The following GOLM1 variants were observed in gnomAD, a reference collection of about 807,000 sequenced individuals.
GOLM1 encodes epididymis luminal protein 46.
In GOLM1, 31 loss-of-function variants were observed where a neutral mutation model predicts 50.5. That is an observed-to-expected ratio of 0.61 (90% CI 0.46 to 0.83). GOLM1 has a LOEUF of 0.83. Among genes scored for constraint, GOLM1 ranks in the 40% least tolerant of loss-of-function variants. The probability of loss-of-function intolerance (pLI) is 0.00; values close to 1 mark genes in which losing one functional copy is unlikely to be tolerated. For missense variants in GOLM1, 491 were observed against 501.3 expected (o/e 0.98, Z 0.20); for synonymous variants, 178 against 192.8 (o/e 0.92, Z 0.64).
chr9:86,075,495 T>A (rs1322549718), intron 3 of GOLM1, among the ~76,000 whole-genome samples: 1 of 152,162 alleles, frequency 6.6e-6, no homozygotes, highest in African/African-American at 2.4e-5. Context: ...CCCTGTGAGA[T>A]TCCTTTCTCA....
At chr9:86,033,937 T>A (rs1174515451) in intron 8 of GOLM1, among the ~76,000 whole-genome samples, 1 of 151,926 alleles carries the variant, frequency 6.6e-6, no homozygotes, top group African/African-American at 2.4e-5. Flanking sequence ...ACATATTTTA[T>A]ATGTGTATGC....
At chr9:86,036,788 T>C (rs1793087704) in intron 6 of GOLM1, 1 of 406,424 alleles carries the variant, frequency 2.5e-6, no homozygotes, top group East Asian at 4.8e-5. Flanking sequence ...ATAAAATACC[T>C]AGGCGGAAGA....
chr9:86,087,492 T>C (rs1835015903), intron 1 of GOLM1, among the ~76,000 whole-genome samples: 1 of 152,240 alleles, frequency 6.6e-6, no homozygotes, highest in Non-Finnish European at 1.5e-5. Flanking sequence ...ATAGGAGTGA[T>C]GAGAGAGGAC....
chr9:86,085,568 T>TTGC (rs1465770550), intron 1 of GOLM1, among the ~76,000 whole-genome samples: 1 of 151,918 alleles, frequency 6.6e-6, no homozygotes, highest in Non-Finnish European at 1.5e-5. Context: ...CCATGATGGT[T>TTGC]TGCTGCACCC....
At position 86,091,940 on chromosome 9, in the gene GOLM1, G is replaced by A. The variant is rs141666196; in HGVS notation, c.-22+7471C>T. ...TGCTGTATTCACATCAGGCAGCTCA[G>A]GGTGGTATTAAGAGCACAGACTGGA... On this transcript the variant is annotated intron_variant, in intron 1 of 9. Transcript: ENST00000388712. Among the ~76,000 whole-genome samples the A allele has an allele frequency of 4.8e-3, 731 of 152,310 alleles. 1 individual carries two copies. Among genetic ancestry groups the A allele is most frequent in the Non-Finnish European group, 6.5e-3 (445 of 68,028 alleles).
rs1056746919 is a variant in GOLM1, at chr9:86,026,582, C to G, written c.*1235G>C. ...AACGATCTCTGGGGCCTTAGCATCT[C>G]AAATCCTGTGGATCCTCCTACTTAC... is the stretch of plus-strand genomic sequence containing the variant. On this transcript the variant is annotated 3_prime_UTR_variant, in exon 10 of 10. Transcript: ENST00000388712. The G allele has an allele frequency of 1.0e-6, 1 of 962,030 alleles. No individual in the cohort carries two copies. Among genetic ancestry groups the G allele is most frequent in the Non-Finnish European group, 1.2e-6 (1 of 808,780 alleles). 59.6% of individuals were successfully genotyped at this position (962,030 alleles called of 1,614,324 possible).
At chr9:86,076,872 A>G (rs1378289133) in intron 3 of GOLM1, among the ~76,000 whole-genome samples, 1 of 151,822 alleles carries the variant, frequency 6.6e-6, no homozygotes, top group African/African-American at 2.4e-5. Flanking sequence ...AAAAAAAAAA[A>G]GACACATAAA....
At chr9:86,059,083 C>G (rs1183844979) in intron 3 of GOLM1, among the ~76,000 whole-genome samples, 1 of 152,046 alleles carries the variant, frequency 6.6e-6, no homozygotes, top group South Asian at 2.1e-4. Flanking sequence ...TAGAACCCCC[C>G]CCCAATACAC....
At chr9:86,075,330 G>A (rs766998550) in intron 3 of GOLM1, among the ~76,000 whole-genome samples, 7 of 152,246 alleles carry the variant, frequency 4.6e-5, no homozygotes, top group Admixed American at 6.5e-5. Context: ...GGTGGCTTAC[G>A]ACTGCGCCCA....
chr9:86,056,932 C>CT (rs1834011473), intron 3 of GOLM1, among the ~76,000 whole-genome samples: 1 of 152,176 alleles, frequency 6.6e-6, no homozygotes, highest in Non-Finnish European at 1.5e-5. Flanking sequence ...TCCTGCAGCA[C>CT]TGGGATTACA....
At chr9:86,035,079 C>T (rs867044077) in intron 8 of GOLM1, 20 of 985,142 alleles carry the variant, frequency 2.0e-5, no homozygotes, top group Middle Eastern at 5.2e-4. Context: ...CAGGAGGGGG[C>T]GTCCACTTGA....
intron 6 of GOLM1, among the ~76,000 whole-genome samples, chr9:86,040,111 A>G (rs891553833): frequency 2.6e-5 from 4 of 152,240 alleles, no homozygotes; most frequent in Non-Finnish European, 5.9e-5. Context: ...AGAGAGAACT[A>G]AGGGATACAC....
intron 1 of GOLM1, among the ~76,000 whole-genome samples, 153 bp from the exon 2 acceptor site, chr9:86,079,494 A>C (rs1452058644): frequency 6.6e-6 from 1 of 152,208 alleles, no homozygotes; most frequent in Non-Finnish European, 1.5e-5. Context: ...AAGGGAGAAG[A>C]GTATGTGAAC....
chr9:86,097,919 A>G (rs994534692), intron 1 of GOLM1, among the ~76,000 whole-genome samples: 6 of 152,098 alleles, frequency 3.9e-5, no homozygotes, highest in Admixed American at 1.3e-4. Flanking sequence ...TAAATGCAAA[A>G]TCTTTTCATT....
intron 9 of GOLM1, among the ~76,000 whole-genome samples, chr9:86,030,576 CCAA>C (rs1303789905): frequency 6.6e-6 from 1 of 151,986 alleles, no homozygotes; most frequent in African/African-American, 2.4e-5. Flanking sequence ...TCAAAAAAGA[CCAA>C]CAACATAAAT....
intron 3 of GOLM1, among the ~76,000 whole-genome samples, chr9:86,075,097 C>G (rs188452450): frequency 1.2e-3 from 190 of 152,282 alleles, no homozygotes; most frequent in African/African-American, 4.5e-3. Context: ...GCCCCTTCCA[C>G]CAGGCAAGGA....
intron 1 of GOLM1, among the ~76,000 whole-genome samples, chr9:86,095,940 G>C (rs377215466): frequency 6.6e-6 from 1 of 152,178 alleles, no homozygotes; most frequent in East Asian, 1.9e-4. Context: ...TGTGGGTCAG[G>C]CCAAAAGGAA....
At chr9:86,048,714 AT>A (rs1331633563) in intron 4 of GOLM1, among the ~76,000 whole-genome samples, 2 of 151,890 alleles carry the variant, frequency 1.3e-5, no homozygotes, top group Non-Finnish European at 2.9e-5. Flanking sequence ...CCACTTTTTG[AT>A]GGGGTTGTTT....
chr9:86,038,160 GAAAA>G (rs552680791), intron 6 of GOLM1, among the ~76,000 whole-genome samples: 1 of 88,388 alleles, frequency 1.1e-5, no homozygotes, highest in African/African-American at 3.7e-5. Flanking sequence ...AACACCAAAA[GAAAA>G]AAAAAAAAAA....
Sources: gnomAD v4.1 joint callset for allele counts (sites outside exome capture counted in the v4.1 genomes callset) on GRCh38, gnomAD v4.1.1 for gene constraint, MANE v1.5 for transcripts, NCBI Gene and HGNC (gene_info 2026-07-23, HGNC 2026-07-21) for gene names.